The following ADAMTS3 variants were observed in gnomAD, a reference collection of about 807,000 sequenced individuals.
The protein encoded by ADAMTS3 is ADAM metallopeptidase with thrombospondin type 1 motif 3.
Under a neutral mutation model 129.0 loss-of-function variants are expected in ADAMTS3, and 73 were observed. The ratio of observed to expected loss-of-function variants is 0.57; its 90% CI spans 0.47 to 0.69. The LOEUF (loss-of-function observed/expected upper bound fraction) is 0.69. Ranked by LOEUF, ADAMTS3 falls within the 30% of genes least tolerant of loss-of-function variation. ADAMTS3 has a pLI of 0.00. For missense variants in ADAMTS3, 1,457 were observed against 1,514.5 expected (o/e 0.96, Z 0.63); for synonymous variants, 477 against 510.8 (o/e 0.93, Z 0.89).
intron 3 of ADAMTS3, among the ~76,000 whole-genome samples, chr4:72,456,161 T>G (rs371662841): frequency 0.32 from 444 of 1,408 alleles, 95 homozygotes; most frequent in East Asian, 0.46. Context: ...TATATATATT[T>G]TATATATAGT....
chr4:72,460,200 A>G (rs1718728592), intron 3 of ADAMTS3, among the ~76,000 whole-genome samples: 1 of 151,624 alleles, frequency 6.6e-6, no homozygotes, highest in South Asian at 2.1e-4. Context: ...CATTCTAAAT[A>G]AGCACAAAAT....
At chr4:72,388,863 A>C (rs116633158) in intron 4 of ADAMTS3, among the ~76,000 whole-genome samples, 168 of 152,324 alleles carry the variant, frequency 1.1e-3, no homozygotes, top group African/African-American at 4.0e-3. Flanking sequence ...AGGCCAGCAC[A>C]AGCTTCCAAG....
At chr4:72,508,264 G>A (rs79551649) in intron 3 of ADAMTS3, among the ~76,000 whole-genome samples, 1 of 152,058 alleles carries the variant, frequency 6.6e-6, no homozygotes, top group Non-Finnish European at 1.5e-5. Flanking sequence ...CCTCAGCAAT[G>A]ACTCACTCAT....
At chr4:72,481,363 G>C (rs1719431114) in intron 3 of ADAMTS3, among the ~76,000 whole-genome samples, 1 of 152,086 alleles carries the variant, frequency 6.6e-6, no homozygotes, top group South Asian at 2.1e-4. Flanking sequence ...TAGCCCAATG[G>C]AACAAAGTAA....
At chr4:72,333,912 C>T (rs575782173) in intron 5 of ADAMTS3, among the ~76,000 whole-genome samples, 6 of 119,656 alleles carry the variant, frequency 5.0e-5, no homozygotes, top group South Asian at 2.9e-4. Flanking sequence ...TGCAGTGGCG[C>T]GATCTAGGCT....
rs550252988 is a variant in ADAMTS3, at chr4:72,429,010, A to G, written c.505-14039T>C. 5.9e-5 allele frequency among the ~76,000 whole-genome samples: 9 copies of G among 152,218 alleles called. No homozygotes were observed. In the South Asian group the frequency reaches 1.9e-3, roughly 32 times the overall value. On this transcript the variant is annotated intron_variant, in intron 3 of 21. Transcript: ENST00000286657. Reference sequence around the variant, plus strand: ...AGGTCCCAACCTCAGAGACTTTTCCATGTTCCAACTCCAGAGAGTCTGATT... The same window carrying G: ...AGGTCCCAACCTCAGAGACTTTTCCGTGTTCCAACTCCAGAGAGTCTGATT...
chr4:72,311,094 C>G lies in ADAMTS3; in HGVS notation c.2009G>C (p.Cys670Ser). ...MKQLVHDGTHCSYKDPYSICV... is the reference protein window; with the variant it reads ...MKQLVHDGTHSSYKDPYSICV... ...TATGCTATATGGATCTTTGTAAGAA[C>G]AGTGCGTTCCATCATGCACCAGTTG... The change falls in exon 14 of 22, where the codon TGT becomes TCT. Residue 670 changes from cysteine to serine, a missense_variant. Cys to Ser is a moderately radical substitution (Grantham distance 112). Transcript: ENST00000286657. 1 of 1,612,284 alleles carries G rather than the reference C, an allele frequency of 6.2e-7. No individual in the cohort carries two copies.
At chr4:72,506,283 A>C (rs886114042) in intron 3 of ADAMTS3, among the ~76,000 whole-genome samples, 2 of 152,176 alleles carry the variant, frequency 1.3e-5, no homozygotes, top group African/African-American at 4.8e-5. Context: ...TGCTGCACAA[A>C]AATCTCAGGG....
chr4:72,486,035 C>A (rs750520364), intron 3 of ADAMTS3, among the ~76,000 whole-genome samples: 1 of 152,110 alleles, frequency 6.6e-6, no homozygotes, highest in Non-Finnish European at 1.5e-5. Flanking sequence ...TAGAAATTAC[C>A]CATTCTTACA....
chr4:72,438,361 A>C (rs1390848797), intron 3 of ADAMTS3, among the ~76,000 whole-genome samples: 1 of 151,774 alleles, frequency 6.6e-6, no homozygotes, highest in Non-Finnish European at 1.5e-5. Context: ...GTTATGTTAG[A>C]AATTAAAACA....
At chr4:72,520,101 C>T (rs1007571955) in intron 3 of ADAMTS3, among the ~76,000 whole-genome samples, 2 of 152,226 alleles carry the variant, frequency 1.3e-5, no homozygotes, top group Non-Finnish European at 2.9e-5. Flanking sequence ...GCTAGAGGTC[C>T]ACTTCAGACC....
At chr4:72,515,398 G>C (rs1720440502) in intron 3 of ADAMTS3, among the ~76,000 whole-genome samples, 1 of 151,910 alleles carries the variant, frequency 6.6e-6, no homozygotes, top group Non-Finnish European at 1.5e-5. Flanking sequence ...CTAGATCCTT[G>C]AGGAATCGCC....
chr4:72,386,184 G>A (rs186395507), intron 4 of ADAMTS3, among the ~76,000 whole-genome samples: 40 of 151,896 alleles, frequency 2.6e-4, no homozygotes, highest in East Asian at 2.3e-3. Context: ...AAAATGTCTC[G>A]GTACCAACTG....
intron 3 of ADAMTS3, among the ~76,000 whole-genome samples, chr4:72,540,035 G>A (rs1721281542): frequency 6.6e-6 from 1 of 152,182 alleles, no homozygotes; most frequent in Admixed American, 6.5e-5. Context: ...CTTTGGAACT[G>A]GGTAGCAGGC....
chr4:72,564,461 A>G (rs563553633), intron 2 of ADAMTS3, among the ~76,000 whole-genome samples: 1 of 152,278 alleles, frequency 6.6e-6, no homozygotes, highest in African/African-American at 2.4e-5. Context: ...AAGTATGTCA[A>G]TGATCTCATG....
chr4:72,353,370 T>C (rs1720493477), intron 4 of ADAMTS3, among the ~76,000 whole-genome samples: 1 of 151,992 alleles, frequency 6.6e-6, no homozygotes, highest in Non-Finnish European at 1.5e-5. Flanking sequence ...TCATATGAGA[T>C]TTGGAACTCA....
chr4:72,353,281 C>A (rs565494743), intron 4 of ADAMTS3, among the ~76,000 whole-genome samples: 7 of 152,062 alleles, frequency 4.6e-5, no homozygotes, highest in African/African-American at 1.4e-4. Flanking sequence ...TGCACTCCTG[C>A]AGAAGTTGGA....
chr4:72,423,129 GAA>G (rs1230508116), intron 3 of ADAMTS3, among the ~76,000 whole-genome samples: 2 of 152,100 alleles, frequency 1.3e-5, no homozygotes, highest in Non-Finnish European at 2.9e-5. Flanking sequence ...ATCCGCTAAG[GAA>G]AGAGAATAGA....
chr4:72,319,625 T>G lies in ADAMTS3; in HGVS notation c.1209-150A>C, dbSNP rs943468336. 7 of 984,928 alleles carry G rather than the reference T, an allele frequency of 7.1e-6. No individual in the cohort carries two copies. In the African/African-American group the frequency reaches 1.2e-4, roughly 16 times the overall value. The allele number at this position is 984,928 out of a possible 1,614,324, so 61.0% of individuals were successfully genotyped here. ...ACAGAAACGGAAATTGACAGCAATC[T>G]GACAGAAATGCCTTTCTTATTCTAT... On this transcript the variant is annotated intron_variant, in intron 8 of 21. Transcript: ENST00000286657.
Sources: allele counts gnomAD v4.1 joint callset (sites outside exome capture counted in the v4.1 genomes callset), GRCh38; gene constraint gnomAD v4.1.1; transcripts MANE v1.5; gene names NCBI Gene and HGNC (gene_info 2026-07-23, HGNC 2026-07-21).